The following ZNF790 variants were observed in gnomAD, a reference collection of about 807,000 sequenced individuals.
The protein encoded by ZNF790 is zinc finger protein 790.
Under a neutral mutation model 12.1 loss-of-function variants are expected in ZNF790, and 8 were observed. That is an observed-to-expected ratio of 0.66 (90% CI 0.39 to 1.19). ZNF790 has a LOEUF of 1.19. Ranked by LOEUF, ZNF790 falls within the 50% of genes most tolerant of loss-of-function variation. The pLI, the probability that ZNF790 is intolerant of heterozygous loss-of-function variation, is 0.01. For missense variants in ZNF790, 707 were observed against 752.2 expected (o/e 0.94, Z 0.70); for synonymous variants, 252 against 244.3 (o/e 1.03, Z -0.29).
At chr19:36,829,414 C>T (rs1042739297) in intron 1 of ZNF790, among the ~76,000 whole-genome samples, 7 of 152,156 alleles carry the variant, frequency 4.6e-5, no homozygotes, top group Non-Finnish European at 7.3e-5. Context: ...GCTTCTTTCA[C>T]GTAGCATAAG....
chr19:36,820,024 C>A lies in ZNF790; in HGVS notation c.320G>T (p.Cys107Phe). The part of the protein sequence containing the change: ...EIAQLEIMRI[C>F]KNHSLDCLCF... ...TAAACAGTCAAGGCTGTGGTTTTTACAAATTCTCATTATTTCCAATTGGGC... is the reference window on the plus strand; with the variant it reads ...TAAACAGTCAAGGCTGTGGTTTTTAAAAATTCTCATTATTTCCAATTGGGC... The change falls in exon 5 of 5, where the codon TGT (cysteine) becomes TTT (phenylalanine). Residue 107 changes from cysteine (C) to phenylalanine (F), a missense_variant. Cys to Phe is a radical substitution (Grantham distance 205, BLOSUM62 -2). Transcript: ENST00000356725. The A allele has an allele frequency of 3.1e-6, 5 of 1,613,646 alleles. No homozygotes were observed. The highest frequency in any genetic ancestry group is 4.2e-6 in the Non-Finnish European group (5 of 1,180,002).
chr19:36,842,528 G>C (rs11883207), upstream of ZNF790, among the ~76,000 whole-genome samples: 2,517 of 152,006 alleles, frequency 0.017, 54 homozygotes, highest in African/African-American at 0.056. Flanking sequence ...ATTTAAAAAG[G>C]TATTCACCTT....
chr19:36,838,104 G>GCA lies in ZNF790; in HGVS notation c.-74+232_-74+233insTG, dbSNP rs1491527114. The GCA allele has an allele frequency of 0.23, 9,121 of 39,626 alleles. 320 individuals are homozygous for GCA. Among genetic ancestry groups the GCA allele is most frequent in the Non-Finnish European group, 0.29 (5,763 of 19,718 alleles). 2.5% of individuals were successfully genotyped at this position (39,626 alleles called of 1,614,324 possible). On this transcript the variant is annotated intron_variant, in intron 1 of 4. Transcript: ENST00000356725. This position sits in a 1 kb window ranked among gnomAD's most constrained non-coding sequence, Gnocchi z 4.4. ...GCCTGTCAACGTCGTGTGCGCGTGC[G>GCA]CGCACACACACACACACACACACAT...
chr19:36,817,637 C>A lies in ZNF790; in HGVS notation c.*796G>T. ...TTATAATCTAATGAATACGATTAAA[C>A]AGACATAGATTTAAGATACTTTCCA... On this transcript the variant is annotated 3_prime_UTR_variant, in exon 5 of 5. Coordinates refer to ENST00000356725, the MANE Select transcript of ZNF790 (RefSeq NM_206894.4). 6.7e-6 allele frequency: 1 copy of A among 148,190 alleles called. No homozygotes were observed. The highest frequency in any genetic ancestry group is 2.5e-5 in the African/African-American group (1 of 40,154). 9.2% of individuals were successfully genotyped at this position (148,190 alleles called of 1,614,324 possible). A position where few individuals can be genotyped will look rare whatever the true frequency, so the allele number is the denominator to read the frequency against.
chr19:36,845,629 A>C (rs543901071), intron 1 of ZNF790, among the ~76,000 whole-genome samples: 33 of 152,326 alleles, frequency 2.2e-4, no homozygotes, highest in Admixed American at 1.8e-3. Context: ...TAAAGTCAAT[A>C]ATTTGTCCTA....
At chr19:36,840,394 G>T (rs2072120110), upstream of ZNF790, among the ~76,000 whole-genome samples, 3 of 152,112 alleles carry the variant, frequency 2.0e-5, no homozygotes, top group African/African-American at 7.2e-5. Context: ...CACTGCGAAG[G>T]GTTCTTTCCC....
At chr19:36,845,047 C>CAAAAA (rs10611049) in intron 1 of ZNF790, among the ~76,000 whole-genome samples, 6 of 34,908 alleles carry the variant, frequency 1.7e-4, no homozygotes, top group African/African-American at 5.7e-4. Flanking sequence ...GACTCCGTCT[C>CAAAAA]AAAAAAAAAA....
chr19:36,838,119 CACACACACAT>C lies in ZNF790; in HGVS notation c.-74+208_-74+217del, dbSNP rs755381440. 0.1 allele frequency: 12,380 copies of C among 120,584 alleles called. 560 individuals are homozygous for C. Among genetic ancestry groups the C allele is most frequent in the South Asian group, 0.2 (658 of 3,280 alleles). 7.5% of individuals were successfully genotyped at this position (120,584 alleles called of 1,614,324 possible). On this transcript the variant is annotated intron_variant, in intron 1 of 4. Transcript: ENST00000356725. This position sits in a 1 kb window ranked among gnomAD's most constrained non-coding sequence, Gnocchi z 4.4. ...GTGCGCGTGCGCGCACACACACACA[CACACACACAT>C]ACACACACACACACACAAGCTCCCG...
chr19:36,843,002 C>CAAA (rs59705640), upstream of ZNF790, among the ~76,000 whole-genome samples: 12 of 65,508 alleles, frequency 1.8e-4, no homozygotes, highest in Middle Eastern at 9.8e-3. Context: ...GACTCCATCT[C>CAAA]AAAAAAAAAA....
At chr19:36,835,900 C>G (rs1412005578) in intron 1 of ZNF790, among the ~76,000 whole-genome samples, 1 of 151,746 alleles carries the variant, frequency 6.6e-6, no homozygotes, top group Non-Finnish European at 1.5e-5. Context: ...CTTTAAGGAC[C>G]CATGTCATTA....
chr19:36,843,244 C>T (rs1182216516), upstream of ZNF790, among the ~76,000 whole-genome samples: 1 of 152,198 alleles, frequency 6.6e-6, no homozygotes, highest in African/African-American at 2.4e-5. Flanking sequence ...GGGACACAGA[C>T]TTGAACTCTA....
intron 4 of ZNF790, 129 bp downstream of exon 4, chr19:36,823,156 C>T (rs1365352472): frequency 1.3e-6 from 1 of 741,392 alleles, no homozygotes; most frequent in Non-Finnish European, 2.2e-6. Flanking sequence ...GGAGCCACCA[C>T]ACCCGGCCCA....
At chr19:36,824,928 A>G (rs1291080399) in intron 2 of ZNF790, among the ~76,000 whole-genome samples, 1 of 152,208 alleles carries the variant, frequency 6.6e-6, no homozygotes, top group East Asian at 1.9e-4. Context: ...CCCTGGCTGA[A>G]TATTATTTTC....
chr19:36,844,333 C>CA lies in ZNF790; in HGVS notation c.-74+5668dup, dbSNP rs34420002. Among the ~76,000 whole-genome samples, 833 of 128,336 alleles carry CA rather than the reference C, an allele frequency of 6.5e-3. 4 individuals carry two copies. Among genetic ancestry groups the CA allele is most frequent in the East Asian group, 0.026 (106 of 4,074 alleles). The allele number at this position is 128,336 out of a possible 152,430, so 84.2% of individuals were successfully genotyped here. A position where few individuals can be genotyped will look rare whatever the true frequency, so the allele number is the denominator to read the frequency against. Reference sequence around the variant, plus strand: ...CTCAAAAACAAAACAAAACAAAAAACAAAAAAAAAAAAACCCAAAAAGCCC... The same window carrying CA: ...CTCAAAAACAAAACAAAACAAAAAACAAAAAAAAAAAAAACCCAAAAAGCCC... On this transcript the variant is annotated intron_variant, in intron 1 of 4. Transcript: ENST00000528994.
chr19:36,849,806 C>T (rs2072226058), intron 1 of ZNF790, among the ~76,000 whole-genome samples: 1 of 151,890 alleles, frequency 6.6e-6, no homozygotes, highest in Admixed American at 6.6e-5. Flanking sequence ...CTTGCCCCCC[C>T]CACCTCCACA....
At chr19:36,840,425 A>T (rs2072120455), upstream of ZNF790, among the ~76,000 whole-genome samples, 1 of 152,228 alleles carries the variant, frequency 6.6e-6, no homozygotes, top group South Asian at 2.1e-4. Context: ...TATGGGATTT[A>T]TTTGTTCCCC....
chr19:36,825,548 A>C, intron 2 of ZNF790, 63 bp downstream of exon 2: 2 of 1,540,326 alleles, frequency 1.3e-6, no homozygotes, highest in Non-Finnish European at 1.8e-6. Context: ...ATAAGCAATA[A>C]AAATATTCAC....
At chr19:36,820,166 T>C (rs533107433) in intron 4 of ZNF790, 52 bp from the exon 5 acceptor site, 3 of 1,520,830 alleles carry the variant, frequency 2.0e-6, no homozygotes, top group Middle Eastern at 1.8e-4. Context: ...CAAAAAGCAA[T>C]ACAACTTCTA....
intron 1 of ZNF790, among the ~76,000 whole-genome samples, chr19:36,830,222 T>C (rs1182211843): frequency 6.6e-6 from 1 of 152,206 alleles, no homozygotes; most frequent in East Asian, 1.9e-4. Context: ...GTTTGTAGAA[T>C]GTGTATGTTT....
Sources: allele counts gnomAD v4.1 joint callset (sites outside exome capture counted in the v4.1 genomes callset), GRCh38; gene constraint gnomAD v4.1.1; non-coding constraint Gnocchi (gnomAD v3.1); transcripts MANE v1.5; gene names NCBI Gene and HGNC (gene_info 2026-07-23, HGNC 2026-07-21).